The following DMD variants were observed in gnomAD, a reference collection of about 807,000 sequenced individuals.
The protein encoded by DMD is dystrophin, also known as mutant dystrophin.
Under a neutral mutation model 330.1 loss-of-function variants are expected in DMD, and 63 were observed. The ratio of observed to expected loss-of-function variants is 0.19; its 90% CI spans 0.16 to 0.24. DMD has a LOEUF of 0.24. Among genes scored for constraint, DMD ranks in the 10% least tolerant of loss-of-function variants. The pLI is 1.00. For missense variants in DMD, 3,344 were observed against 2,684.1 expected (o/e 1.25, Z -5.43); for synonymous variants, 1,223 against 959.8 (o/e 1.27, Z -5.07).
At chrX:33,112,090 G>A (rs12014496) in intron 1 of DMD, among the ~76,000 whole-genome samples, 2,722 of 110,226 alleles carry the variant, frequency 0.025, 92 homozygotes, top group African/African-American at 0.085. Context: ...CCATGGTTTT[G>A]GTTACCCATG....
At chrX:33,078,976 G>A (rs182706750) in intron 1 of DMD, among the ~76,000 whole-genome samples, 8 of 111,749 alleles carry the variant, frequency 7.2e-5, no homozygotes, top group Admixed American at 2.9e-4. Context: ...AATCTCCAGA[G>A]TTATTAATCA....
At chrX:31,404,506 AAT>A (rs1274433447) in intron 60 of DMD, among the ~76,000 whole-genome samples, 1 of 112,096 alleles carries the variant, frequency 8.9e-6, no homozygotes, top group Non-Finnish European at 1.9e-5. Flanking sequence ...AAATGCAATC[AAT>A]ATAATCCATA....
intron 5 of DMD, among the ~76,000 whole-genome samples, chrX:32,817,913 C>A (rs1346402863): frequency 8.9e-6 from 1 of 111,940 alleles, no homozygotes; most frequent in African/African-American, 3.2e-5. Context: ...GATATGAAAT[C>A]TTTGCATGTA....
intron 44 of DMD, among the ~76,000 whole-genome samples, chrX:32,020,500 A>G (rs1025356750): frequency 8.9e-6 from 1 of 112,010 alleles, no homozygotes; most frequent in African/African-American, 3.2e-5. Flanking sequence ...AGGTTAAATG[A>G]GTTCATATGG....
At chrX:32,051,342 T>C (rs1433959465) in intron 44 of DMD, among the ~76,000 whole-genome samples, 1 of 110,191 alleles carries the variant, frequency 9.1e-6, no homozygotes, top group Non-Finnish European at 1.9e-5. Flanking sequence ...TGAAAATGGC[T>C]CTTGGTAACT....
At chrX:31,793,026 AAGGGGAG>A (rs1214756169) in intron 50 of DMD, among the ~76,000 whole-genome samples, 1,694 of 111,013 alleles carry the variant, frequency 0.015, 40 homozygotes, top group African/African-American at 0.053. Context: ...TCTCAGTGGG[AAGGGGAG>A]CTGAAAAGGG....
intron 44 of DMD, among the ~76,000 whole-genome samples, chrX:32,144,217 G>A (rs1345606733): frequency 1.8e-5 from 2 of 111,821 alleles, no homozygotes; most frequent in African/African-American, 6.5e-5. Flanking sequence ...CAACTTTGAA[G>A]CTGAACTCCT....
chrX:32,538,416 A>C lies in DMD; in HGVS notation c.2168+6743T>G, dbSNP rs183006427. On this transcript the variant is annotated intron_variant, in intron 17 of 78. Transcript: ENST00000357033. ...CCCCGCCCCTGCCCACAAGAGAAAA[A>C]TCCCCTTTGACTGTAATTTTCCACT... 3.6e-3 allele frequency among the ~76,000 whole-genome samples: 395 copies of C among 110,343 alleles called. 3 individuals are homozygous for C. Among genetic ancestry groups the C allele is most frequent in the African/African-American group, 0.013 (383 of 30,327 alleles).
intron 2 of DMD, among the ~76,000 whole-genome samples, chrX:32,992,256 T>C (rs1052923650): frequency 8.9e-6 from 1 of 112,012 alleles, no homozygotes; most frequent in Non-Finnish European, 1.9e-5. Flanking sequence ...TGCAAATGAA[T>C]TTAATTATCA....
intron 47 of DMD, among the ~76,000 whole-genome samples, chrX:31,885,614 A>G (rs2094141882): frequency 6.0e-5 from 5 of 82,838 alleles, no homozygotes; most frequent in African/African-American, 2.3e-4. Flanking sequence ...CGTCTCACAA[A>G]AAAAAAAAAA....
At chrX:32,711,215 A>G (rs190372065) in intron 7 of DMD, among the ~76,000 whole-genome samples, 1 of 111,348 alleles carries the variant, frequency 9.0e-6, no homozygotes, top group Non-Finnish European at 1.9e-5. Flanking sequence ...CACATAACCC[A>G]TTTTCTTGGT....
chrX:31,537,047 C>T (rs181735680), intron 55 of DMD, among the ~76,000 whole-genome samples: 1 of 111,775 alleles, frequency 8.9e-6, no homozygotes, highest in Admixed American at 9.5e-5. Context: ...CATGCCTGAA[C>T]GTACTGCAAT....
rs772366703 is a variant in DMD, at chrX:32,290,326, A to T, written c.6118-2625T>A. Among the ~76,000 whole-genome samples the T allele has an allele frequency of 1.2e-4, 14 of 112,158 alleles. No individual in the cohort carries two copies. The South Asian group carries it at 4.8e-3, about 38-fold the overall frequency. Reference sequence around the variant, plus strand: ...TATAGTACTTATTACTAACATTAAAATATATATCAAGTAGCCGGTATATAC... The same window carrying T: ...TATAGTACTTATTACTAACATTAAATTATATATCAAGTAGCCGGTATATAC... On this transcript the variant is annotated intron_variant, in intron 42 of 78. Coordinates refer to ENST00000357033, the MANE Select transcript of DMD (RefSeq NM_004006.3).
intron 29 of DMD, 176 bp from the exon 30 acceptor site, chrX:32,412,089 G>T (rs1281814735): frequency 1.7e-6 from 2 of 1,173,789 alleles, no homozygotes; most frequent in South Asian, 3.7e-5. Flanking sequence ...AAATGTGAAG[G>T]AGAAAAATAA....
chrX:32,559,710 T>C (rs180831714), intron 16 of DMD, among the ~76,000 whole-genome samples: 34 of 111,952 alleles, frequency 3.0e-4, no homozygotes, highest in Non-Finnish European at 4.9e-4. Flanking sequence ...TCTTGGTACA[T>C]TGGCATATTT....
chrX:32,441,050 C>A, intron 28 of DMD, 130 bp downstream of exon 28: 1 of 717,522 alleles, frequency 1.4e-6, no homozygotes, highest in South Asian at 2.7e-5. Flanking sequence ...TCCAAAGTAC[C>A]AGTGCTGAGT....
chrX:33,008,608 T>C (rs1367895705), intron 2 of DMD, among the ~76,000 whole-genome samples: 1 of 109,512 alleles, frequency 9.1e-6, no homozygotes, highest in African/African-American at 3.3e-5. Context: ...TGAAAGAAAT[T>C]TGCGGATACA....
chrX:33,121,634 T>A, intron 1 of DMD, among the ~76,000 whole-genome samples: 1 of 112,154 alleles, frequency 8.9e-6, no homozygotes, highest in East Asian at 2.8e-4. Context: ...GAATCTCTTT[T>A]TGCATGTGCT....
At chrX:33,305,605 A>C (rs1004478249) in intron 1 of DMD, among the ~76,000 whole-genome samples, 16 of 60,298 alleles carry the variant, frequency 2.7e-4, no homozygotes, top group Non-Finnish European at 6.0e-4. Context: ...ATATAACTTC[A>C]AAAAAAAAAA....
Sources: allele counts gnomAD v4.1 joint callset (sites outside exome capture counted in the v4.1 genomes callset), GRCh38; gene constraint gnomAD v4.1.1; transcripts MANE v1.5; gene names NCBI Gene and HGNC (gene_info 2026-07-23, HGNC 2026-07-21).